The following GALNT13 variants were observed in gnomAD, a reference collection of about 807,000 sequenced individuals.
GALNT13 encodes the protein UDP-GalNAc:polypeptide N-acetylgalactosaminyltransferase 13.
A neutral mutation model predicts 64.2 loss-of-function variants in GALNT13; 28 were observed. That is an observed-to-expected ratio of 0.44 (90% confidence interval 0.32 to 0.60). The LOEUF is 0.60. GALNT13 is among the 20% of genes least tolerant of loss of function. GALNT13 has a pLI of 0.05. For missense variants in GALNT13, 577 were observed against 669.8 expected, an observed-to-expected ratio of 0.86 and a Z score of 1.53; for synonymous variants, 214 against 224.6, an observed-to-expected ratio of 0.95 and a Z score of 0.42.
chr2:153,634,675 C>T, the GALNT13 span, among the ~76,000 whole-genome samples: 41 of 151,322 alleles, frequency 2.7e-4, no homozygotes, highest in Non-Finnish European at 5.3e-4. Context: ...CTCAGCCTCC[C>T]GAGTAGCTGG....
At chr2:154,146,999 C>T (rs767339323) in intron 4 of GALNT13, among the ~76,000 whole-genome samples, 4 of 151,842 alleles carry the variant, frequency 2.6e-5, no homozygotes, top group African/African-American at 7.3e-5. Context: ...GCCTTTTTTC[C>T]GGTTAATCTG....
the GALNT13 span, among the ~76,000 whole-genome samples, chr2:153,161,502 G>A: frequency 6.6e-6 from 1 of 152,130 alleles, no homozygotes; most frequent in Non-Finnish European, 1.5e-5. Flanking sequence ...AAGGGGATCA[G>A]GAGGGATGAG....
intron 3 of GALNT13, among the ~76,000 whole-genome samples, chr2:154,065,972 T>G (rs1700442226): frequency 6.6e-6 from 1 of 152,152 alleles, no homozygotes; most frequent in Non-Finnish European, 1.5e-5. Context: ...GAAACACAAT[T>G]CAAGATAACA....
chr2:153,957,862 C>A (rs902128753), intron 3 of GALNT13, among the ~76,000 whole-genome samples: 1 of 152,112 alleles, frequency 6.6e-6, no homozygotes, highest in African/African-American at 2.4e-5. Context: ...CACAGCAGAG[C>A]AAGTAGATTA....
the GALNT13 span, among the ~76,000 whole-genome samples, chr2:153,166,538 G>A: frequency 6.6e-6 from 1 of 151,856 alleles, no homozygotes; most frequent in Admixed American, 6.6e-5. Context: ...CTCCTGGATG[G>A]CAGCAAGACA....
intron 3 of GALNT13, among the ~76,000 whole-genome samples, chr2:154,020,933 C>T (rs1280898528): frequency 2.0e-5 from 3 of 152,184 alleles, no homozygotes; most frequent in Non-Finnish European, 2.9e-5. Context: ...AGCCAGTTTT[C>T]CCAGCACCAT....
chr2:153,450,503 T>A, the GALNT13 span, among the ~76,000 whole-genome samples: 7 of 152,112 alleles, frequency 4.6e-5, no homozygotes, highest in Non-Finnish European at 8.8e-5. Flanking sequence ...AATCTTTAAT[T>A]GTTCTTTAGA....
chr2:153,614,558 C>G, the GALNT13 span, among the ~76,000 whole-genome samples: 5 of 151,996 alleles, frequency 3.3e-5, no homozygotes, highest in Non-Finnish European at 7.4e-5. Flanking sequence ...TGAGCTGAAG[C>G]ACAGGTACAG....
intron 1 of GALNT13, among the ~76,000 whole-genome samples, chr2:153,882,757 G>C: frequency 6.6e-6 from 1 of 151,410 alleles, no homozygotes; most frequent in East Asian, 1.9e-4. Flanking sequence ...GCCTCCCAAG[G>C]AAGCAGGGCT....
chr2:154,116,791 A>G (rs1487111814), intron 3 of GALNT13, among the ~76,000 whole-genome samples: 1 of 152,156 alleles, frequency 6.6e-6, no homozygotes, highest in East Asian at 1.9e-4. Context: ...CCCCCGAACC[A>G]ATGAAAGAAC....
At chr2:153,825,546 A>T in the GALNT13 span, among the ~76,000 whole-genome samples, 3 of 149,820 alleles carry the variant, frequency 2.0e-5, no homozygotes, top group South Asian at 4.2e-4. Flanking sequence ...TGGCCACTTA[A>T]GTTTTTTAGG....
the GALNT13 span, among the ~76,000 whole-genome samples, chr2:153,696,551 A>G: frequency 2.0e-5 from 3 of 152,214 alleles, no homozygotes; most frequent in Non-Finnish European, 4.4e-5. Flanking sequence ...TGTCTATAAT[A>G]AAGTTTAGTT....
the GALNT13 span, among the ~76,000 whole-genome samples, chr2:153,808,170 A>G: frequency 6.6e-6 from 1 of 152,276 alleles, no homozygotes; most frequent in South Asian, 2.1e-4. Context: ...TAATACTGGC[A>G]GCTTTTGGGG....
intron 3 of GALNT13, among the ~76,000 whole-genome samples, chr2:153,965,579 G>A (rs1693274297): frequency 6.6e-6 from 1 of 151,816 alleles, no homozygotes; most frequent in East Asian, 1.9e-4. Flanking sequence ...TTGTTTTTTG[G>A]TTGTTTCATA....
the GALNT13 span, among the ~76,000 whole-genome samples, chr2:153,674,920 A>G: frequency 2.0e-5 from 3 of 152,230 alleles, no homozygotes; most frequent in African/African-American, 7.2e-5. Flanking sequence ...GAAGACATTT[A>G]TGCATCCAAC....
At chr2:154,110,803 G>A (rs769368418) in intron 3 of GALNT13, among the ~76,000 whole-genome samples, 4 of 151,890 alleles carry the variant, frequency 2.6e-5, no homozygotes, top group South Asian at 2.1e-4. Context: ...ACAAGTCCAC[G>A]CCTTCTCAAC....
intron 1 of GALNT13, among the ~76,000 whole-genome samples, chr2:153,888,351 A>G (rs1687325628): frequency 6.6e-6 from 1 of 152,178 alleles, no homozygotes; most frequent in Admixed American, 6.6e-5. Flanking sequence ...AAATGGTGGT[A>G]CAGAAATAAA....
intron 3 of GALNT13, among the ~76,000 whole-genome samples, chr2:154,060,974 C>T (rs914456203): frequency 6.6e-6 from 1 of 151,938 alleles, no homozygotes; most frequent in Non-Finnish European, 1.5e-5. Flanking sequence ...TGATTTACAT[C>T]AAGATCAACA....
chr2:153,917,475 G>A (rs13430501), intron 2 of GALNT13, among the ~76,000 whole-genome samples: 30,622 of 151,710 alleles, frequency 0.2, 4,037 homozygotes, highest in Middle Eastern at 0.33. Flanking sequence ...TTTGAAAAAG[G>A]TATGCATTAT....
Sources: gnomAD v4.1 joint callset for allele counts (sites outside exome capture counted in the v4.1 genomes callset) on GRCh38, gnomAD v4.1.1 for gene constraint, MANE v1.5 for transcripts, NCBI Gene and HGNC (gene_info 2026-07-23, HGNC 2026-07-21) for gene names.